RAPGEF1: variants seen among roughly 807,000 people sequenced by gnomAD.
RAPGEF1 encodes Rap guanine nucleotide exchange factor 1, also known as CRK SH3-binding GNRP.
Under a neutral mutation model 143.3 loss-of-function variants are expected in RAPGEF1, and 33 were observed. That is an observed-to-expected ratio of 0.23 (90% confidence interval 0.17 to 0.31). The LOEUF (loss-of-function observed/expected upper bound fraction) is 0.31, where lower values mean the gene tolerates loss of function less well. Ranked by LOEUF, RAPGEF1 falls within the 10% of genes least tolerant of loss-of-function variation. RAPGEF1 has a pLI of 1.00. For missense variants in RAPGEF1, 1,199 were observed against 1,645.4 expected (o/e 0.73, Z 4.69); for synonymous variants, 629 against 676.5 (o/e 0.93, Z 1.09).
At position 131,621,701 on chromosome 9, in the gene RAPGEF1, G is replaced by A; in HGVS notation, c.1905+95C>T. 1.5e-6 allele frequency: 2 copies of A among 1,293,412 alleles called. No individual in the cohort carries two copies. Among genetic ancestry groups the A allele is most frequent in the Non-Finnish European group, 2.1e-6 (2 of 933,462 alleles). The allele number at this position is 1,293,412 out of a possible 1,614,324, so 80.1% of individuals were successfully genotyped here. A position where few individuals can be genotyped will look rare whatever the true frequency, so the allele number is the denominator to read the frequency against. ...AAAACCAGGGCCCTGCCACAGCAGG[G>A]AGGAGGGTTAACCCTGCCCCCAAGG... On this transcript the variant is annotated intron_variant, in intron 11 of 26. Transcript: ENST00000683357. The surrounding 1 kb of genome is among the most constrained non-coding windows in gnomAD (Gnocchi z 4.5).
chr9:131,684,010 A>C (rs1032317757), intron 1 of RAPGEF1, among the ~76,000 whole-genome samples: 12 of 152,360 alleles, frequency 7.9e-5, no homozygotes, highest in Admixed American at 3.3e-4. Context: ...CTAGTTGCTA[A>C]TGAAATATCT....
chr9:131,738,503 C>A (rs4740180), intron 1 of RAPGEF1, among the ~76,000 whole-genome samples: 2 of 151,944 alleles, frequency 1.3e-5, no homozygotes, highest in Non-Finnish European at 2.9e-5. Context: ...TGAACCCAAG[C>A]GCCCTGCCCC....
intron 5 of RAPGEF1, among the ~76,000 whole-genome samples, chr9:131,635,255 A>G (rs1380494132): frequency 6.6e-6 from 1 of 152,132 alleles, no homozygotes; most frequent in African/African-American, 2.4e-5. Flanking sequence ...CTTCAGGGTA[A>G]ATATTTTAAA....
At chr9:131,726,547 G>A (rs1836682719) in intron 1 of RAPGEF1, among the ~76,000 whole-genome samples, 3 of 126,466 alleles carry the variant, frequency 2.4e-5, no homozygotes, top group South Asian at 4.6e-4. Context: ...AATCACCTGA[G>A]CCCAGGAGGC....
chr9:131,607,739 G>A (rs1957339627), intron 12 of RAPGEF1, among the ~76,000 whole-genome samples: 1 of 152,162 alleles, frequency 6.6e-6, no homozygotes, highest in Non-Finnish European at 1.5e-5. Flanking sequence ...CCTTGCTGCT[G>A]CCTAGTTTAA....
At chr9:131,589,084 C>A in intron 19 of RAPGEF1, 98 bp from the exon 20 acceptor site, 1 of 1,166,950 alleles carries the variant, frequency 8.6e-7, no homozygotes, top group South Asian at 1.5e-5. Flanking sequence ...GGGCTGTGAC[C>A]GGCACAGAGC....
rs554664853 is a variant in RAPGEF1, at chr9:131,587,092, C to T, written c.3233+644G>A. Reference sequence around the variant, plus strand: ...CACACACACACACACACCTGCAGAGCGAGACTCCGTCTTACACACACACCT... The same window carrying T: ...CACACACACACACACACCTGCAGAGTGAGACTCCGTCTTACACACACACCT... On this transcript the variant is annotated intron_variant, in intron 22 of 26. Coordinates refer to ENST00000683357, the MANE Select transcript of RAPGEF1 (RefSeq NM_001377935.1). Among the ~76,000 whole-genome samples, 94 of 92,142 alleles carry T rather than the reference C, an allele frequency of 1.0e-3. 15 individuals carry two copies. Among genetic ancestry groups the T allele is most frequent in the African/African-American group, 4.1e-3 (90 of 21,736 alleles). 60.4% of individuals were successfully genotyped at this position (92,142 alleles called of 152,430 possible).
At chr9:131,733,803 A>C (rs1837245838) in intron 1 of RAPGEF1, among the ~76,000 whole-genome samples, 1 of 152,098 alleles carries the variant, frequency 6.6e-6, no homozygotes, top group South Asian at 2.1e-4. Context: ...ACTCAAGGCA[A>C]TCTCCAATCC....
At chr9:131,629,007 C>T (rs1318985674) in intron 7 of RAPGEF1, 95 bp downstream of exon 7, 13 of 1,483,076 alleles carry the variant, frequency 8.8e-6, no homozygotes, top group Non-Finnish European at 1.2e-5. Context: ...GGGGCCAAGC[C>T]CTCAGCGCTG....
rs1246828402 is a variant in RAPGEF1 at position 131,625,981 on chromosome 9, G to A, written c.1643C>T (p.Pro548Leu). ...PVEFVGDFTA[P>L]ESTGDPEKPP... is the part of the protein sequence containing the mutation. ...TTTTTCTGGGTCACCGGTTGACTCA[G>A]GAGCAGTAAAATCACCCACAAATTC... is the stretch of plus-strand genomic sequence containing the variant. The change falls in exon 10 of 27, where the codon CCT becomes CTT. Residue 548 changes from proline (P) to leucine (L), a missense_variant. Pro to Leu is a moderately conservative substitution (Grantham distance 98). This residue lies in a region of RAPGEF1 where 613 missense variants were observed against 710.9 expected (regional missense o/e 0.86). Coordinates refer to ENST00000683357, the MANE Select transcript of RAPGEF1 (RefSeq NM_001377935.1). The A allele has an allele frequency of 1.2e-6, 2 of 1,606,358 alleles. No homozygotes were observed. Among genetic ancestry groups the A allele is most frequent in the East Asian group, 2.2e-5 (1 of 44,664 alleles).
At chr9:131,708,622 T>C (rs1835263463) in intron 1 of RAPGEF1, among the ~76,000 whole-genome samples, 2 of 152,210 alleles carry the variant, frequency 1.3e-5, no homozygotes, top group South Asian at 2.1e-4. Flanking sequence ...TTTGGAACTT[T>C]TGGAAGTGCT....
At chr9:131,691,546 T>C (rs1247692365) in intron 1 of RAPGEF1, among the ~76,000 whole-genome samples, 1 of 152,212 alleles carries the variant, frequency 6.6e-6, no homozygotes, top group Non-Finnish European at 1.5e-5. Flanking sequence ...TTATCCACAG[T>C]TAATTTGCTT....
intron 3 of RAPGEF1, among the ~76,000 whole-genome samples, chr9:131,649,236 G>A (rs1251400992): frequency 1.4e-5 from 1 of 72,112 alleles, no homozygotes; most frequent in East Asian, 4.3e-4. Flanking sequence ...TGTATTTTTA[G>A]TAGAGACGGA....
Position 131,628,362 on chromosome 9 carries a change from C to G in RAPGEF1, c.1017+187G>C, listed in dbSNP as rs912470955. Among the ~76,000 whole-genome samples the G allele has an allele frequency of 1.3e-5, 2 of 152,142 alleles. No homozygotes were observed. Among genetic ancestry groups the G allele is most frequent in the African/African-American group, 4.8e-5 (2 of 41,430 alleles). ...TTGGCTCTGCCCTCCCTGCCCTGAC[C>G]CTTATCCCCATATGGGAACTTGGAC... On this transcript the variant is annotated intron_variant, in intron 8 of 26. Coordinates refer to ENST00000683357, the MANE Select transcript of RAPGEF1 (RefSeq NM_001377935.1). This position sits in a 1 kb window ranked among gnomAD's most constrained non-coding sequence, Gnocchi z 5.7.
intron 1 of RAPGEF1, among the ~76,000 whole-genome samples, chr9:131,687,661 C>T (rs975245826): frequency 6.6e-6 from 1 of 152,176 alleles, no homozygotes; most frequent in Admixed American, 6.6e-5. Flanking sequence ...GTACAACCAG[C>T]CTCCTGTGAT....
chr9:131,721,048 T>G (rs962206584), intron 1 of RAPGEF1, among the ~76,000 whole-genome samples: 1 of 152,156 alleles, frequency 6.6e-6, no homozygotes, highest in African/African-American at 2.4e-5. Context: ...ACATGCCAAG[T>G]AGCAGATGCC....
chr9:131,659,426 C>T (rs564184306), intron 1 of RAPGEF1, among the ~76,000 whole-genome samples: 1 of 152,212 alleles, frequency 6.6e-6, no homozygotes, highest in Non-Finnish European at 1.5e-5. Context: ...GCCATGTTGC[C>T]TAGGTTGGTC....
At chr9:131,630,180 T>G in intron 6 of RAPGEF1, 56 bp downstream of exon 6, 1 of 1,553,218 alleles carries the variant, frequency 6.4e-7, no homozygotes, top group Non-Finnish European at 8.9e-7. Flanking sequence ...CCTTGTCAAG[T>G]GCAGACTTTG....
chr9:131,733,209 A>G (rs976274118), intron 1 of RAPGEF1, among the ~76,000 whole-genome samples: 1 of 152,070 alleles, frequency 6.6e-6, no homozygotes, highest in African/African-American at 2.4e-5. Context: ...CTTATGTATA[A>G]AAAAGGGCCT....
Sources: allele counts gnomAD v4.1 joint callset (sites outside exome capture counted in the v4.1 genomes callset), GRCh38; gene constraint gnomAD v4.1.1; regional missense constraint gnomAD v4.1.1; non-coding constraint Gnocchi (gnomAD v3.1); transcripts MANE v1.5; gene names NCBI Gene and HGNC (gene_info 2026-07-23, HGNC 2026-07-21).